Variants in PLCL2 observed in about 807,000 individuals in gnomAD.
PLCL2 encodes phospholipase C like 2.
Under a neutral mutation model 79.6 loss-of-function variants are expected in PLCL2, and 4 were observed. That is an observed-to-expected ratio of 0.05 (90% CI 0.02 to 0.11). The LOEUF (loss-of-function observed/expected upper bound fraction) is 0.11, where lower values mean the gene tolerates loss of function less well. PLCL2 is among the 10% of genes least tolerant of loss of function. The pLI, the probability that PLCL2 is intolerant of heterozygous loss-of-function variation, is 1.00. For missense variants in PLCL2, 895 were observed against 1,291.0 expected (o/e 0.69, Z 4.70); for synonymous variants, 484 against 457.7 (o/e 1.06, Z -0.73).
intron 1 of PLCL2, among the ~76,000 whole-genome samples, chr3:16,980,307 TG>T: frequency 1.4e-5 from 2 of 146,270 alleles, no homozygotes; most frequent in Non-Finnish European, 3.0e-5. Flanking sequence ...ACGGGGCGGC[TG>T]GCCGGGCGGA....
At chr3:16,928,892 G>A (rs958269229) in intron 1 of PLCL2, among the ~76,000 whole-genome samples, 7 of 152,126 alleles carry the variant, frequency 4.6e-5, no homozygotes, top group African/African-American at 1.7e-4. Flanking sequence ...GAGGTTGTGG[G>A]TGACCTTGGC....
chr3:17,004,973 C>T (rs2064246412), intron 1 of PLCL2, among the ~76,000 whole-genome samples: 1 of 146,926 alleles, frequency 6.8e-6, no homozygotes, highest in Non-Finnish European at 1.5e-5. Flanking sequence ...CATACTACAC[C>T]CTCTCCCCAT....
chr3:17,029,040 C>T (rs1465635516), intron 3 of PLCL2, among the ~76,000 whole-genome samples: 1 of 152,092 alleles, frequency 6.6e-6, no homozygotes, highest in Non-Finnish European at 1.5e-5. Flanking sequence ...GAAGGGGGCG[C>T]AGAGGGTAGA....
At chr3:17,072,314 C>T (rs1259020059) in intron 5 of PLCL2, among the ~76,000 whole-genome samples, 3 of 152,010 alleles carry the variant, frequency 2.0e-5, no homozygotes, top group Admixed American at 6.6e-5. Context: ...AGTCATTTTG[C>T]TGGGTATTTT....
chr3:16,889,038 T>C (rs942088698), intron 1 of PLCL2, among the ~76,000 whole-genome samples: 1 of 152,194 alleles, frequency 6.6e-6, no homozygotes, highest in African/African-American at 2.4e-5. Context: ...CCCCAGACAA[T>C]GGCAATCTTC....
At position 17,011,156 on chromosome 3, in the gene PLCL2, C is replaced by G; in HGVS notation, c.1810C>G (p.Pro604Ala). The change falls in exon 2 of 6, where the codon CCC becomes GCC. Residue 604 changes from proline (P) to alanine (A), a missense_variant. Around this residue, in one of 6 missense-constraint regions of PLCL2, gnomAD observed 242 missense variants for 399.5 expected, o/e 0.61. Coordinates refer to ENST00000615277, the MANE Select transcript of PLCL2 (RefSeq NM_001144382.2). The surrounding 1 kb of genome is among the most constrained non-coding windows in gnomAD (Gnocchi z 7.9). ...GATGGGAAAAGAGAACATGGAGCAA[C>G]CCAATAATGTGCCTGTGAAGCGATT... Reference protein sequence around the residue: ...QRMGKENMEQPNNVPVKRFQL... With the variant: ...QRMGKENMEQANNVPVKRFQL... The G allele has an allele frequency of 6.2e-7, 1 of 1,614,136 alleles. No homozygotes were observed. Among genetic ancestry groups the G allele is most frequent in the African/African-American group, 1.3e-5 (1 of 75,046 alleles).
Position 17,041,671 on chromosome 3 carries a change from C to T in PLCL2, c.3019-1203C>T, listed in dbSNP as rs537645745. Among the ~76,000 whole-genome samples the T allele has an allele frequency of 1.8e-4, 28 of 152,208 alleles. No individual in the cohort carries two copies. The East Asian group carries it at 4.8e-3, about 26-fold the overall frequency. ...AAAGAAAAATAAGGCAGGCCAGGTG[C>T]GGTGGCTTATGCCTGTAATGCCAGC... On this transcript the variant is annotated intron_variant, in intron 3 of 5. Coordinates refer to ENST00000615277, the MANE Select transcript of PLCL2 (RefSeq NM_001144382.2).
chr3:17,009,806 T>A lies in PLCL2; in HGVS notation c.460T>A (p.Ser154Thr), dbSNP rs2064301012. 1 of 1,613,650 alleles carries A rather than the reference T, an allele frequency of 6.2e-7. No homozygotes were observed. Among genetic ancestry groups the A allele is most frequent in the Non-Finnish European group, 8.5e-7 (1 of 1,179,726 alleles). ...VEGSELKKVR[S>T]NSRIYHRYFL... ...GGGTTCAGAACTCAAAAAGGTTCGC[T>A]CCAACTCTAGAATTTATCATAGGTA... The change falls in exon 2 of 6, where the codon TCC (serine) becomes ACC (threonine). Residue 154 changes from serine (S) to threonine (T), a missense_variant. Coordinates refer to ENST00000615277, the MANE Select transcript of PLCL2 (RefSeq NM_001144382.2). The surrounding 1 kb of genome is among the most constrained non-coding windows in gnomAD (Gnocchi z 4.0).
In PLCL2 at chr3:16,951,014, T is replaced by G. The variant is rs149651083; in HGVS notation, c.328-58660T>G. ...ATGAGGGCTATGATCAACCAGACAA[T>G]ACACATGACAGCCTCTCTTCCACCC... is the stretch of plus-strand genomic sequence containing the variant. On this transcript the variant is annotated intron_variant, in intron 1 of 5. Transcript: ENST00000615277. Among the ~76,000 whole-genome samples, 1,518 of 152,212 alleles carry G rather than the reference T, an allele frequency of 1.0e-2. 30 individuals are homozygous for G. The highest frequency in any genetic ancestry group is 0.035 in the African/African-American group (1,448 of 41,546).
chr3:17,066,282 A>C (rs1008470955), intron 4 of PLCL2, among the ~76,000 whole-genome samples: 1 of 152,232 alleles, frequency 6.6e-6, no homozygotes, highest in African/African-American at 2.4e-5. Flanking sequence ...GTTCTTTCCC[A>C]AAACCAGTGA....
At chr3:16,935,016 A>C (rs1235240648) in intron 1 of PLCL2, among the ~76,000 whole-genome samples, 2 of 152,252 alleles carry the variant, frequency 1.3e-5, no homozygotes, top group Non-Finnish European at 1.5e-5. Context: ...TGCCTCCAGA[A>C]AGGCTAATAC....
At chr3:16,967,478 A>G (rs2063819112) in intron 1 of PLCL2, among the ~76,000 whole-genome samples, 1 of 152,114 alleles carries the variant, frequency 6.6e-6, no homozygotes, top group South Asian at 2.1e-4. Flanking sequence ...ATGAGATGGT[A>G]TCTCATTGTG....
chr3:17,013,493 T>A lies in PLCL2; in HGVS notation c.2815-1215T>A, dbSNP rs570416465. 4.6e-5 allele frequency among the ~76,000 whole-genome samples: 7 copies of A among 152,302 alleles called. No individual in the cohort carries two copies. In the South Asian group the frequency reaches 1.2e-3, roughly 27 times the overall value. On this transcript the variant is annotated intron_variant, in intron 2 of 5. Coordinates refer to ENST00000615277, the MANE Select transcript of PLCL2 (RefSeq NM_001144382.2). ...CTGCAGGTATGAGTAAGTGGTGTAA[T>A]AAGAGTGACTGGGGAACTGCACTTT...
At chr3:16,975,960 G>A (rs557612327) in intron 1 of PLCL2, among the ~76,000 whole-genome samples, 2 of 152,266 alleles carry the variant, frequency 1.3e-5, no homozygotes, top group South Asian at 4.2e-4. Context: ...GTTGGCTGAA[G>A]CACAGTGCCT....
At chr3:16,909,749 CTG>C (rs1696832895) in intron 1 of PLCL2, among the ~76,000 whole-genome samples, 1 of 152,186 alleles carries the variant, frequency 6.6e-6, no homozygotes, top group Admixed American at 6.5e-5. Flanking sequence ...AAAAATAATT[CTG>C]TCTTTTTTGG....
intron 4 of PLCL2, among the ~76,000 whole-genome samples, chr3:17,064,784 C>CCAGGTGTGGTGG (rs769416740): frequency 6.6e-6 from 1 of 151,840 alleles, no homozygotes; most frequent in African/African-American, 2.4e-5. Context: ...CAAAAATTAG[C>CCAGGTGTGGTGG]CACGTGTGGT....
rs971440725 is a variant in PLCL2 at position 16,984,133 on chromosome 3, A to G, written c.328-25541A>G. On this transcript the variant is annotated intron_variant, in intron 1 of 5. Coordinates refer to ENST00000615277, the MANE Select transcript of PLCL2 (RefSeq NM_001144382.2). ...GAGGGTATTTCTTTACTAATATGCAAAGCTTAAATAACATAGCCCCAGTTG... is the reference window on the plus strand; with the variant it reads ...GAGGGTATTTCTTTACTAATATGCAGAGCTTAAATAACATAGCCCCAGTTG... Among the ~76,000 whole-genome samples the G allele has an allele frequency of 2.0e-5, 3 of 151,576 alleles. No individual in the cohort carries two copies. The Admixed American group carries it at 2.0e-4, about 10-fold the overall frequency.
chr3:17,072,047 G>A (rs191721090), intron 5 of PLCL2, among the ~76,000 whole-genome samples: 100 of 152,130 alleles, frequency 6.6e-4, no homozygotes, highest in African/African-American at 1.8e-3. Flanking sequence ...GGCTAGTTTC[G>A]AACTCCTGAC....
chr3:17,037,374 A>G (rs1276110854), intron 3 of PLCL2, among the ~76,000 whole-genome samples: 2 of 152,270 alleles, frequency 1.3e-5, no homozygotes, highest in Non-Finnish European at 2.9e-5. Context: ...GTCCATTGGC[A>G]TGTTTGAGAA....
Sources: allele counts gnomAD v4.1 joint callset (sites outside exome capture counted in the v4.1 genomes callset), GRCh38; gene constraint gnomAD v4.1.1; regional missense constraint gnomAD v4.1.1; non-coding constraint Gnocchi (gnomAD v3.1); transcripts MANE v1.5; gene names NCBI Gene and HGNC (gene_info 2026-07-23, HGNC 2026-07-21).